The following MOV10L1 variants were observed in gnomAD, a reference collection of about 807,000 sequenced individuals.
MOV10L1 encodes the protein Mov10 like RNA helicase 1.
A neutral mutation model predicts 143.8 loss-of-function variants in MOV10L1; 110 were observed. That is an observed-to-expected ratio of 0.76 (90% confidence interval 0.66 to 0.90). MOV10L1 has a LOEUF of 0.90. MOV10L1 is among the 40% of genes least tolerant of loss of function. The pLI, the probability that MOV10L1 is intolerant of heterozygous loss-of-function variation, is 0.00. For synonymous variants in MOV10L1, 593 were observed against 581.1 expected (o/e 1.02, Z -0.29); for missense variants, 1,406 against 1,526.8 (o/e 0.92, Z 1.32).
At chr22:50,108,400 A>G (rs1319241158) in intron 4 of MOV10L1, 152 bp downstream of exon 4, 7 of 824,222 alleles carry the variant, frequency 8.5e-6, no homozygotes, top group Admixed American at 2.0e-5. Context: ...CCTATTGACA[A>G]TGCTGTGTTT....
At chr22:50,143,890 G>A (rs1452248450) in intron 17 of MOV10L1, among the ~76,000 whole-genome samples, 1 of 152,230 alleles carries the variant, frequency 6.6e-6, no homozygotes, top group Non-Finnish European at 1.5e-5. Flanking sequence ...ATCTTAGAGA[G>A]TGCGGAGAAC....
chr22:50,090,579 G>A (rs997383029), intron 1 of MOV10L1: 35 of 1,537,194 alleles, frequency 2.3e-5, no homozygotes, highest in Admixed American at 5.7e-5. Context: ...AACGCGCTGC[G>A]CCAAGGCGTG....
intron 5 of MOV10L1, among the ~76,000 whole-genome samples, chr22:50,112,416 G>C (rs527737905): frequency 6.6e-6 from 1 of 152,300 alleles, no homozygotes; most frequent in South Asian, 2.1e-4. Context: ...AAGCTGTGGC[G>C]TCCCATTCTT....
chr22:50,122,453 TTA>T (rs2062373456), intron 10 of MOV10L1, among the ~76,000 whole-genome samples: 1 of 152,228 alleles, frequency 6.6e-6, no homozygotes, highest in African/African-American at 2.4e-5. Flanking sequence ...GTGGAATCTT[TTA>T]GAGTTTTCTA....
At chr22:50,108,877 G>A (rs375725513) in intron 5 of MOV10L1, 33 bp downstream of exon 5, 37 of 1,603,796 alleles carry the variant, frequency 2.3e-5, no homozygotes, top group Non-Finnish European at 3.1e-5. Context: ...AGGTGCGGTG[G>A]CTAACGCCTG....
intron 2 of MOV10L1, among the ~76,000 whole-genome samples, chr22:50,096,653 T>C (rs1405468106): frequency 6.6e-6 from 1 of 152,218 alleles, no homozygotes; most frequent in Non-Finnish European, 1.5e-5. Context: ...TCTTTTTCTT[T>C]TTTTTTCTTT....
chr22:50,096,705 T>C (rs2062598386), intron 2 of MOV10L1, among the ~76,000 whole-genome samples: 1 of 152,230 alleles, frequency 6.6e-6, no homozygotes, highest in Non-Finnish European at 1.5e-5. Flanking sequence ...AGTATCTCAC[T>C]GTGGTTTTGA....
rs1379631978 is a variant in MOV10L1 at position 50,159,591 on chromosome 22, T to C, written c.3217-87T>C. ...CACTGCAGCCTGGGTGACAGAGTAA[T>C]ACTCCATCTCAAAAAAAAAAAAGGA... On this transcript the variant is annotated intron_variant, in intron 23 of 26. Coordinates refer to ENST00000262794, the MANE Select transcript of MOV10L1 (RefSeq NM_018995.3). This position sits in a 1 kb window ranked among gnomAD's most constrained non-coding sequence, Gnocchi z 4.1. 7 of 834,252 alleles carry C rather than the reference T, an allele frequency of 8.4e-6. No individual in the cohort carries two copies. The highest frequency in any genetic ancestry group is 1.3e-5 in the Non-Finnish European group (7 of 532,932). 51.7% of individuals were successfully genotyped at this position (834,252 alleles called of 1,614,324 possible). A position where few individuals can be genotyped will look rare whatever the true frequency, so the allele number is the denominator to read the frequency against.
At chr22:50,098,959 A>G (rs1276942531) in intron 2 of MOV10L1, among the ~76,000 whole-genome samples, 1 of 152,224 alleles carries the variant, frequency 6.6e-6, no homozygotes, top group African/African-American at 2.4e-5. Context: ...TCAATGTAAT[A>G]TGTTGACTGA....
In MOV10L1 at chr22:50,150,692, G is replaced by T. The variant is rs117743785; in HGVS notation, c.2728-43G>T. On this transcript the variant is annotated intron_variant, in intron 20 of 26. Coordinates refer to ENST00000262794, the MANE Select transcript of MOV10L1 (RefSeq NM_018995.3). ...CACCTGAGCCCGTAGGAGTGGCAGCGGCACCCTCCCTGCATGAGCTGAGAC... is the reference window on the plus strand; with the variant it reads ...CACCTGAGCCCGTAGGAGTGGCAGCTGCACCCTCCCTGCATGAGCTGAGAC... The T allele has an allele frequency of 1.1e-5, 17 of 1,599,176 alleles. No homozygotes were observed. In the African/African-American group the frequency reaches 2.0e-4, roughly 19 times the overall value.
chr22:50,138,769 T>G (rs1214730499), intron 15 of MOV10L1, among the ~76,000 whole-genome samples: 1 of 152,122 alleles, frequency 6.6e-6, no homozygotes, highest in East Asian at 1.9e-4. Context: ...CAGTGGCGGA[T>G]CTCGGCTCAC....
At chr22:50,135,303 C>T (rs778095479) in intron 15 of MOV10L1, among the ~76,000 whole-genome samples, 88 of 152,142 alleles carry the variant, frequency 5.8e-4, no homozygotes, top group Non-Finnish European at 4.0e-4. Context: ...TGAGCCACCA[C>T]ACCCGGCCTT....
intron 3 of MOV10L1, among the ~76,000 whole-genome samples, chr22:50,106,738 G>A (rs2061878424): frequency 7.3e-6 from 1 of 137,366 alleles, no homozygotes; most frequent in Non-Finnish European, 1.5e-5. Context: ...ATCTCGCTCT[G>A]TTGCCTAGGC....
In MOV10L1 at chr22:50,142,150, C is replaced by T. The variant is rs989644791; in HGVS notation, c.2140C>T (p.Pro714Ser). The T allele has an allele frequency of 5.6e-6, 9 of 1,613,170 alleles. No homozygotes were observed. The highest frequency in any genetic ancestry group is 5.0e-5 in the Admixed American group (3 of 59,932). Residue 714 changes from proline (P) to serine (S), a missense_variant, in exon 16 of 27, where the codon CCG (proline) becomes TCG (serine). Physicochemically the swap from Pro to Ser is moderately conservative, Grantham distance 74. Transcript: ENST00000262794. ...GAGGCGTGTTGGTGACAAGGACCTGCCGGTGCTGGCACCCTTTACTGCAGA... is the reference window on the plus strand; with the variant it reads ...GAGGCGTGTTGGTGACAAGGACCTGTCGGTGCTGGCACCCTTTACTGCAGA... ...EERRVGDKDL[P>S]VLAPFTAEMS...
At chr22:50,141,083 G>A (rs181894749) in intron 15 of MOV10L1, among the ~76,000 whole-genome samples, 3 of 150,874 alleles carry the variant, frequency 2.0e-5, no homozygotes, top group Non-Finnish European at 2.9e-5. Context: ...ACAGAGTCTC[G>A]CTCTGTCGCC....
Position 50,125,589 on chromosome 22 carries a change from G to T in MOV10L1, c.1747+20G>T. 1 of 1,610,738 alleles carries T rather than the reference G, an allele frequency of 6.2e-7. No homozygotes were observed. Among genetic ancestry groups the T allele is most frequent in the Non-Finnish European group, 8.5e-7 (1 of 1,178,032 alleles). On this transcript the variant is annotated intron_variant, in intron 11 of 26. Coordinates refer to ENST00000262794, the MANE Select transcript of MOV10L1 (RefSeq NM_018995.3). ...ACGCAGGTGTGTTTGTTACTCATAT[G>T]CTTCCCTGGGTGGACTAGCAGAGAA...
Position 50,120,425 on chromosome 22 carries a change from A to G in MOV10L1, c.1455-77A>G, listed in dbSNP as rs779882113. On this transcript the variant is annotated intron_variant, in intron 9 of 26. Transcript: ENST00000262794. ...GACTTTGGTCTTCCTAAAATAGGAA[A>G]GGATGTTTAGGTAAGAATGTCTAGT... 52 of 904,570 alleles carry G rather than the reference A, an allele frequency of 5.7e-5. No homozygotes were observed. In the African/African-American group the frequency reaches 6.3e-4, roughly 11 times the overall value. The allele number at this position is 904,570 out of a possible 1,614,324, so 56.0% of individuals were successfully genotyped here.
At chr22:50,161,309 G>C (rs892869091) in intron 26 of MOV10L1, 59 bp from the exon 27 acceptor site, 7 of 1,393,626 alleles carry the variant, frequency 5.0e-6, no homozygotes, top group Non-Finnish European at 6.8e-6. Flanking sequence ...AAAGAGTGCA[G>C]CTCCCAGCCC....
chr22:50,116,769 C>T (rs2062191357), intron 8 of MOV10L1, among the ~76,000 whole-genome samples: 1 of 150,892 alleles, frequency 6.6e-6, no homozygotes, highest in African/African-American at 2.4e-5. Flanking sequence ...TAGGCTCCCA[C>T]CTCAGCCTCC....
Sources: allele counts gnomAD v4.1 joint callset (sites outside exome capture counted in the v4.1 genomes callset), GRCh38; gene constraint gnomAD v4.1.1; non-coding constraint Gnocchi (gnomAD v3.1); transcripts MANE v1.5; gene names NCBI Gene and HGNC (gene_info 2026-07-23, HGNC 2026-07-21).